The following MAF variants were observed in gnomAD, a reference collection of about 807,000 sequenced individuals.
MAF encodes MAF bZIP transcription factor, also known as transcription factor Maf.
A neutral mutation model predicts 22.0 loss-of-function variants in MAF; 10 were observed. The ratio of observed to expected loss-of-function variants is 0.45; its 90% confidence interval spans 0.28 to 0.77. MAF has a LOEUF of 0.77. Ranked by LOEUF, MAF falls within the 30% of genes least tolerant of loss-of-function variation. The pLI is 0.12. For synonymous variants in MAF, 337 were observed against 255.8 expected, an observed-to-expected ratio of 1.32 and a Z score of -3.03; for missense variants, 544 against 548.4, an observed-to-expected ratio of 0.99 and a Z score of 0.08.
At position 79,599,201 on chromosome 16, in the gene MAF, TCCGCCGCCGCCGCCG is replaced by T. The variant is rs887468453; in HGVS notation, c.687_701del (p.Gly234_Gly238del). On this transcript the variant is annotated inframe_deletion, in exon 1 of 2. Transcript: ENST00000326043. ...CCGCCCCCGCCGCGCCCCCGCCGCCTCCGCCGCCGCCGCCGCCGCCGCCGCCCCCAGCGCTGGCCG... is the reference window on the plus strand; with the variant it reads ...CCGCCCCCGCCGCGCCCCCGCCGCCTCCGCCGCCGCCCCCAGCGCTGGCCG... 2.0e-4 allele frequency: 196 copies of T among 975,024 alleles called. No homozygotes were observed. The highest frequency in any genetic ancestry group is 2.3e-4 in the Non-Finnish European group (187 of 822,856). 60.4% of individuals were successfully genotyped at this position (975,024 alleles called of 1,614,324 possible).
chr16:79,267,566 G>A, the MAF span, among the ~76,000 whole-genome samples: 1 of 152,190 alleles, frequency 6.6e-6, no homozygotes, highest in African/African-American at 2.4e-5. Flanking sequence ...AATGGCTCAC[G>A]GCCAATCAGC....
At chr16:79,530,863 ATTACT>A in the MAF span, among the ~76,000 whole-genome samples, 1 of 152,284 alleles carries the variant, frequency 6.6e-6, no homozygotes, top group South Asian at 2.1e-4. Flanking sequence ...AATGGAAATG[ATTACT>A]TGTGAGCCAC....
At chr16:79,351,858 G>T in the MAF span, among the ~76,000 whole-genome samples, 2 of 152,072 alleles carry the variant, frequency 1.3e-5, no homozygotes, top group East Asian at 3.9e-4. Flanking sequence ...ACCATGGATG[G>T]GCTTCCTCCA....
At chr16:79,293,869 GAA>G in the MAF span, among the ~76,000 whole-genome samples, 4 of 148,580 alleles carry the variant, frequency 2.7e-5, no homozygotes, top group African/African-American at 1.0e-4. Context: ...GAGAGAGAGA[GAA>G]AGAGAGGAGA....
the MAF span, among the ~76,000 whole-genome samples, chr16:79,504,409 A>G: frequency 1.3e-5 from 2 of 152,340 alleles, no homozygotes; most frequent in East Asian, 3.9e-4. Context: ...TTATAGCTGC[A>G]TAACTTCGAC....
chr16:79,407,709 A>G, the MAF span, among the ~76,000 whole-genome samples: 1 of 151,964 alleles, frequency 6.6e-6, no homozygotes, highest in Non-Finnish European at 1.5e-5. Context: ...TTCCAGACAT[A>G]TGGCTTCATT....
At chr16:79,413,708 C>A in the MAF span, among the ~76,000 whole-genome samples, 1 of 152,050 alleles carries the variant, frequency 6.6e-6, no homozygotes, top group Admixed American at 6.6e-5. Context: ...GGATCAGGTG[C>A]CTGAAACCCA....
In MAF at chr16:79,600,247, C is replaced by A. The variant is rs1295796907; in HGVS notation, c.-345G>T. The A allele has an allele frequency of 3.9e-6, 1 of 257,456 alleles. No individual in the cohort carries two copies. 15.9% of individuals were successfully genotyped at this position (257,456 alleles called of 1,614,324 possible). ...GCTGCGGTGGCGGCGGTGGTGGCTG[C>A]GGCGGCGAAGCTGGAGGAGCCCGGC... On this transcript the variant is annotated 5_prime_UTR_variant, in exon 1 of 2. Transcript: ENST00000326043.
the MAF span, among the ~76,000 whole-genome samples, chr16:79,361,161 G>T: frequency 9.6e-3 from 1,464 of 152,310 alleles, 26 homozygotes; most frequent in African/African-American, 0.034. Flanking sequence ...GCCTTGATAT[G>T]CAGGGAGAAC....
chr16:79,451,971 C>T, the MAF span, among the ~76,000 whole-genome samples: 2 of 150,462 alleles, frequency 1.3e-5, no homozygotes, highest in East Asian at 2.0e-4. Flanking sequence ...TTGTATCCAT[C>T]GTATTCTGCA....
chr16:79,219,903 T>C, the MAF span, among the ~76,000 whole-genome samples: 1,421 of 152,352 alleles, frequency 9.3e-3, 8 homozygotes, highest in South Asian at 0.033. Flanking sequence ...ATTGGTTATA[T>C]AAAAAGTTGT....
the MAF span, among the ~76,000 whole-genome samples, chr16:79,528,411 G>A: frequency 6.6e-6 from 1 of 152,152 alleles, no homozygotes; most frequent in Non-Finnish European, 1.5e-5. Flanking sequence ...CAGGGGCCAG[G>A]AAATCATCCT....
the MAF span, among the ~76,000 whole-genome samples, chr16:79,236,827 G>T: frequency 6.6e-6 from 1 of 151,810 alleles, no homozygotes; most frequent in African/African-American, 2.4e-5. Flanking sequence ...GATGACTCCA[G>T]GCCCTCCAGG....
chr16:79,298,892 A>C, the MAF span, among the ~76,000 whole-genome samples: 3 of 152,238 alleles, frequency 2.0e-5, no homozygotes, highest in African/African-American at 7.2e-5. Context: ...TCTGGCAGAC[A>C]GGCCTCCAGG....
chr16:79,477,908 G>A, the MAF span, among the ~76,000 whole-genome samples: 1 of 151,578 alleles, frequency 6.6e-6, no homozygotes, highest in Non-Finnish European at 1.5e-5. Context: ...ATTTTTAGTA[G>A]AGACGGGGTT....
chr16:79,351,143 C>T, the MAF span, among the ~76,000 whole-genome samples: 1 of 152,284 alleles, frequency 6.6e-6, no homozygotes, highest in African/African-American at 2.4e-5. Context: ...TGGAAAGTGA[C>T]TACATTCTCT....
At chr16:79,508,008 T>C in the MAF span, among the ~76,000 whole-genome samples, 1 of 152,040 alleles carries the variant, frequency 6.6e-6, no homozygotes. Context: ...GAGAGGATGG[T>C]GGATCAGAGC....
chr16:79,402,902 T>C, the MAF span, among the ~76,000 whole-genome samples: 1 of 152,104 alleles, frequency 6.6e-6, no homozygotes, highest in East Asian at 1.9e-4. Context: ...AGCCCAGAGA[T>C]CATGAATGGG....
At chr16:79,210,457 C>A in the MAF span, among the ~76,000 whole-genome samples, 1 of 152,138 alleles carries the variant, frequency 6.6e-6, no homozygotes, top group Non-Finnish European at 1.5e-5. Flanking sequence ...AAATGATAAG[C>A]TTTGGGTCGG....
Sources: allele counts gnomAD v4.1 joint callset (sites outside exome capture counted in the v4.1 genomes callset), GRCh38; gene constraint gnomAD v4.1.1; transcripts MANE v1.5; gene names NCBI Gene and HGNC (gene_info 2026-07-23, HGNC 2026-07-21).